FGF13: variants seen among roughly 807,000 people sequenced by gnomAD.
FGF13 encodes fibroblast growth factor 13.
Under a neutral mutation model 19.5 loss-of-function variants are expected in FGF13, and 2 were observed. That is an observed-to-expected ratio of 0.10 (90% CI 0.04 to 0.32). The LOEUF is 0.32. Ranked by LOEUF, FGF13 falls within the 10% of genes least tolerant of loss-of-function variation. The pLI is 1.00. For synonymous variants in FGF13, 72 were observed against 76.9 expected, an observed-to-expected ratio of 0.94 and a Z score of 0.33; for missense variants, 113 against 192.7, an observed-to-expected ratio of 0.59 and a Z score of 2.45.
At chrX:138,848,854 C>T (rs956901249) in intron 3 of FGF13, among the ~76,000 whole-genome samples, 2 of 111,786 alleles carry the variant, frequency 1.8e-5, no homozygotes, top group African/African-American at 6.5e-5. Context: ...AACTATGTTA[C>T]TTAATACAGT....
At chrX:138,743,395 G>A (rs940290837), upstream of FGF13, among the ~76,000 whole-genome samples, 1 of 111,655 alleles carries the variant, frequency 9.0e-6, no homozygotes, top group East Asian at 2.9e-4. Flanking sequence ...AAGGAGGGAT[G>A]AATTAGAGGA....
downstream of FGF13, chrX:138,857,425 A>G: frequency 1.0e-6 from 1 of 982,012 alleles, no homozygotes; most frequent in East Asian, 3.1e-5. Flanking sequence ...CACACAGCAC[A>G]CCAGAGGGCA....
intron 3 of FGF13, among the ~76,000 whole-genome samples, chrX:138,812,651 T>C (rs2090934624): frequency 1.8e-5 from 2 of 111,703 alleles, no homozygotes; most frequent in Non-Finnish European, 3.8e-5. Flanking sequence ...AGTTGGGAAA[T>C]ATAGTTACAC....
At chrX:139,190,686 A>G (rs2084320717) in intron 1 of FGF13, among the ~76,000 whole-genome samples, 1 of 112,387 alleles carries the variant, frequency 8.9e-6, no homozygotes, top group Non-Finnish European at 1.9e-5. Flanking sequence ...ATGTGAATAT[A>G]CTTAATACCA....
At position 138,922,119 on chromosome X, in the gene FGF13, T is replaced by C. The variant is rs753072571; in HGVS notation, c.-112-57469A>G. On this transcript the variant is annotated intron_variant, in intron 1 of 2. Transcript: ENST00000421460. ...AAATAAATCTCTCTAAGAAATGACT[T>C]CCCATTTCTGAAAATGTTTCCACTG... is the stretch of plus-strand genomic sequence containing the variant. 2.8e-5 allele frequency among the ~76,000 whole-genome samples: 3 copies of C among 106,201 alleles called. No homozygotes were observed. In the South Asian group the frequency reaches 1.3e-3, roughly 47 times the overall value. The allele number at this position is 106,201 out of a possible 115,157, so 92.2% of individuals were successfully genotyped here.
At chrX:138,897,517 T>C (rs749648903) in intron 1 of FGF13, among the ~76,000 whole-genome samples, 15 of 111,603 alleles carry the variant, frequency 1.3e-4, no homozygotes, top group Admixed American at 4.8e-4. Flanking sequence ...GGTAGAGTTG[T>C]TGAGAATCTA....
upstream of FGF13, among the ~76,000 whole-genome samples, chrX:138,739,763 T>C (rs993757141): frequency 1.4e-4 from 16 of 111,635 alleles, no homozygotes; most frequent in African/African-American, 2.9e-4. Context: ...AATTGAATTA[T>C]TGATGAATAG....
At chrX:139,054,366 G>C (rs1035274455) in intron 1 of FGF13, among the ~76,000 whole-genome samples, 1 of 109,693 alleles carries the variant, frequency 9.1e-6, no homozygotes, top group African/African-American at 3.3e-5. Flanking sequence ...CTCGTGATCC[G>C]CCCGCCTCAG....
intron 1 of FGF13, among the ~76,000 whole-genome samples, chrX:139,150,915 C>A (rs1184772307): frequency 9.0e-6 from 1 of 110,745 alleles, no homozygotes; most frequent in African/African-American, 3.3e-5. Flanking sequence ...GGTGCTACAC[C>A]CACAGCAATG....
chrX:138,891,556 G>A (rs2091477200), intron 1 of FGF13, among the ~76,000 whole-genome samples: 1 of 111,447 alleles, frequency 9.0e-6, no homozygotes, highest in African/African-American at 3.3e-5. Flanking sequence ...TAGAGGTTAG[G>A]ACCTCAATGC....
intron 1 of FGF13, among the ~76,000 whole-genome samples, chrX:138,900,282 A>C (rs1047603041): frequency 2.7e-5 from 3 of 110,534 alleles, no homozygotes; most frequent in African/African-American, 9.9e-5. Context: ...CTCCTCAACA[A>C]ACCATTCTTA....
intron 3 of FGF13, among the ~76,000 whole-genome samples, chrX:138,682,096 G>C (rs1038293229): frequency 8.9e-6 from 1 of 112,272 alleles, no homozygotes; most frequent in Admixed American, 9.4e-5. Flanking sequence ...CACAAACTTT[G>C]ATTTGTAAAA....
At chrX:138,952,441 G>A (rs1294101312) in intron 1 of FGF13, among the ~76,000 whole-genome samples, 2 of 112,118 alleles carry the variant, frequency 1.8e-5, no homozygotes, top group African/African-American at 3.2e-5. Flanking sequence ...ATGGATTAAA[G>A]ACTTAAATGT....
chrX:138,989,819 C>G (rs1355293299), intron 1 of FGF13, among the ~76,000 whole-genome samples: 1 of 110,313 alleles, frequency 9.1e-6, no homozygotes, highest in Non-Finnish European at 1.9e-5. Flanking sequence ...AAAACTACTT[C>G]GAAAAAGCAC....
At chrX:139,085,598 T>A (rs1435705184) in intron 1 of FGF13, among the ~76,000 whole-genome samples, 3 of 112,028 alleles carry the variant, frequency 2.7e-5, no homozygotes, top group African/African-American at 9.7e-5. Flanking sequence ...TTATATTGCA[T>A]CATTATCATC....
At position 138,997,321 on chromosome X, in the gene FGF13, C is replaced by T. The variant is rs141551111; in HGVS notation, c.-112-132671G>A. On this transcript the variant is annotated intron_variant, in intron 1 of 2. Transcript: ENST00000421460. ...TCGCCAGCAAGGGAACAAAACTGGA[C>T]GGAGAATGATTTTGATGAACTGAGA... 1.8e-3 allele frequency among the ~76,000 whole-genome samples: 198 copies of T among 111,663 alleles called. No homozygotes were observed. The South Asian group carries it at 0.025, about 14-fold the overall frequency.
intron 1 of FGF13, among the ~76,000 whole-genome samples, chrX:139,066,285 A>C (rs1603176254): frequency 9.0e-6 from 1 of 111,662 alleles, no homozygotes; most frequent in East Asian, 2.8e-4. Flanking sequence ...GAGCAAACAC[A>C]TTCAAAAGCT....
chrX:138,940,047 G>C (rs1188446080), intron 1 of FGF13, among the ~76,000 whole-genome samples: 2 of 111,767 alleles, frequency 1.8e-5, no homozygotes, highest in Non-Finnish European at 3.8e-5. Flanking sequence ...AATTGTATAA[G>C]CATTCCCTTT....
intron 1 of FGF13, among the ~76,000 whole-genome samples, chrX:139,111,430 G>C (rs192330317): frequency 2.6e-4 from 29 of 112,026 alleles, no homozygotes; most frequent in Admixed American, 2.2e-3. Context: ...AAAATCTGGA[G>C]ATATATAGTT....
Sources: allele counts gnomAD v4.1 joint callset (sites outside exome capture counted in the v4.1 genomes callset), GRCh38; gene constraint gnomAD v4.1.1; transcripts MANE v1.5; gene names NCBI Gene and HGNC (gene_info 2026-07-23, HGNC 2026-07-21).